Variants in CSMD1 observed in about 807,000 individuals in gnomAD.
CSMD1 encodes the protein CUB and sushi domain-containing protein 1.
In CSMD1, 213 loss-of-function variants were observed where a neutral mutation model predicts 417.5. That is an observed-to-expected ratio of 0.51 (90% CI 0.46 to 0.57). The LOEUF (loss-of-function observed/expected upper bound fraction) is 0.57, where lower values mean the gene tolerates loss of function less well. Ranked by LOEUF, CSMD1 falls within the 20% of genes least tolerant of loss-of-function variation. The pLI is 0.00. For synonymous variants in CSMD1, 2,862 were observed against 1,736.8 expected, an observed-to-expected ratio of 1.65 and a Z score of -16.11; for missense variants, 6,923 against 4,529.7, an observed-to-expected ratio of 1.53 and a Z score of -15.17.
intron 1 of CSMD1, among the ~76,000 whole-genome samples, chr8:4,920,424 A>T (rs1806359275): frequency 6.6e-6 from 1 of 152,222 alleles, no homozygotes; most frequent in Admixed American, 6.5e-5. Flanking sequence ...TATCTTGAAA[A>T]TCCGTTTAAT....
intron 41 of CSMD1, among the ~76,000 whole-genome samples, chr8:3,137,182 G>C (rs1818153280): frequency 6.6e-6 from 1 of 152,138 alleles, no homozygotes; most frequent in Non-Finnish European, 1.5e-5. Flanking sequence ...AAGGGCTAGA[G>C]AACACTAGAC....
intron 1 of CSMD1, among the ~76,000 whole-genome samples, chr8:4,739,815 T>C (rs1016563548): frequency 2.6e-5 from 4 of 152,230 alleles, no homozygotes; most frequent in Non-Finnish European, 4.4e-5. Flanking sequence ...ACAGCCTCCT[T>C]TGTGATCTTT....
chr8:3,764,049 A>G (rs1239520833), intron 5 of CSMD1, among the ~76,000 whole-genome samples: 1 of 152,144 alleles, frequency 6.6e-6, no homozygotes, highest in African/African-American at 2.4e-5. Flanking sequence ...TTGTTTCAGG[A>G]TTTCTGGAGG....
intron 1 of CSMD1, among the ~76,000 whole-genome samples, chr8:4,720,511 G>C (rs529974564): frequency 6.6e-6 from 1 of 152,162 alleles, no homozygotes; most frequent in African/African-American, 2.4e-5. Context: ...TCTGCCTCCT[G>C]GGTTCAAGCA....
intron 7 of CSMD1, among the ~76,000 whole-genome samples, chr8:3,677,484 A>G (rs1799436473): frequency 6.6e-6 from 1 of 152,216 alleles, no homozygotes; most frequent in African/African-American, 2.4e-5. Flanking sequence ...TCTGAGCACC[A>G]CAGAAGACAT....
chr8:4,267,567 T>A (rs542868477), intron 3 of CSMD1, among the ~76,000 whole-genome samples: 1 of 151,938 alleles, frequency 6.6e-6, no homozygotes, highest in African/African-American at 2.4e-5. Context: ...CAATGGTCAC[T>A]GACACAATAA....
intron 44 of CSMD1, among the ~76,000 whole-genome samples, chr8:3,108,027 T>G (rs1293585186): frequency 6.6e-6 from 1 of 152,182 alleles, no homozygotes; most frequent in Non-Finnish European, 1.5e-5. Flanking sequence ...CAATTATTTT[T>G]TAAAGTATAC....
At chr8:4,410,752 ATAT>A (rs1796609424) in intron 3 of CSMD1, among the ~76,000 whole-genome samples, 2 of 152,202 alleles carry the variant, frequency 1.3e-5, no homozygotes, top group South Asian at 4.1e-4. Flanking sequence ...AAGATGAAAA[ATAT>A]TAAGAAATGA....
intron 3 of CSMD1, among the ~76,000 whole-genome samples, chr8:4,379,790 G>A (rs749537717): frequency 6.6e-6 from 1 of 152,196 alleles, no homozygotes; most frequent in Non-Finnish European, 1.5e-5. Flanking sequence ...AAGTCCTCCA[G>A]TCAAAATGTT....
intron 3 of CSMD1, among the ~76,000 whole-genome samples, chr8:4,299,934 A>C (rs755051261): frequency 2.3e-4 from 35 of 152,146 alleles, no homozygotes; most frequent in Non-Finnish European, 4.1e-4. Context: ...CGGCCCAGAC[A>C]CTATTTTTCA....
At chr8:4,156,798 C>T (rs1051681859) in intron 3 of CSMD1, among the ~76,000 whole-genome samples, 4 of 152,154 alleles carry the variant, frequency 2.6e-5, no homozygotes, top group African/African-American at 9.7e-5. Flanking sequence ...GCCCAAATTA[C>T]AGATCCCAGC....
chr8:4,978,299 G>C (rs1323230418), intron 1 of CSMD1, among the ~76,000 whole-genome samples: 1 of 152,052 alleles, frequency 6.6e-6, no homozygotes, highest in African/African-American at 2.4e-5. Flanking sequence ...TCAACTCAAG[G>C]GTCCCTCTAA....
intron 1 of CSMD1, among the ~76,000 whole-genome samples, chr8:4,710,070 G>T (rs1213846963): frequency 6.6e-6 from 1 of 152,012 alleles, no homozygotes; most frequent in African/African-American, 2.4e-5. Flanking sequence ...TGGAAAATCT[G>T]GGGCAAGAAC....
At chr8:4,565,541 C>T (rs1282680402) in intron 2 of CSMD1, among the ~76,000 whole-genome samples, 5 of 151,738 alleles carry the variant, frequency 3.3e-5, no homozygotes, top group Non-Finnish European at 7.4e-5. Context: ...TTGAGACAAG[C>T]CTGGCCAACA....
intron 3 of CSMD1, among the ~76,000 whole-genome samples, chr8:4,052,317 G>C (rs1000306186): frequency 6.6e-5 from 10 of 152,202 alleles, no homozygotes; most frequent in Non-Finnish European, 1.3e-4. Context: ...CATTTAATGC[G>C]TAATTATCAT....
chr8:4,964,417 G>C (rs998090151), intron 1 of CSMD1, among the ~76,000 whole-genome samples: 1 of 146,052 alleles, frequency 6.8e-6, no homozygotes, highest in Non-Finnish European at 1.5e-5. Flanking sequence ...TACCTGGGAA[G>C]CTGAGGTGGG....
intron 1 of CSMD1, among the ~76,000 whole-genome samples, chr8:4,910,375 A>G (rs1327729125): frequency 2.0e-5 from 3 of 152,198 alleles, no homozygotes; most frequent in African/African-American, 4.8e-5. Context: ...AAAATACTAT[A>G]AACTGGATTG....
At chr8:4,779,540 G>C (rs759251354) in intron 1 of CSMD1, among the ~76,000 whole-genome samples, 4 of 152,074 alleles carry the variant, frequency 2.6e-5, no homozygotes, top group African/African-American at 9.7e-5. Flanking sequence ...CATTAACCAA[G>C]GGTTATAAAT....
chr8:4,474,116 G>T (rs752062459), intron 2 of CSMD1, among the ~76,000 whole-genome samples: 1 of 152,082 alleles, frequency 6.6e-6, no homozygotes, highest in African/African-American at 2.4e-5. Flanking sequence ...AAAGAAACTA[G>T]AGAGATTGAA....
Sources: gnomAD v4.1 joint callset for allele counts (sites outside exome capture counted in the v4.1 genomes callset) on GRCh38, gnomAD v4.1.1 for gene constraint, MANE v1.5 for transcripts, NCBI Gene and HGNC (gene_info 2026-07-23, HGNC 2026-07-21) for gene names.